CTNNA2: variants seen among roughly 807,000 people sequenced by gnomAD.
The protein encoded by CTNNA2 is catenin alpha 2.
CTNNA2 carries 42 observed loss-of-function variants against 101.0 expected under a neutral mutation model. The observed-to-expected ratio is 0.42, with a 90% CI of 0.32 to 0.54. The LOEUF (loss-of-function observed/expected upper bound fraction) is 0.54, where lower values mean the gene tolerates loss of function less well. CTNNA2 is among the 20% of genes least tolerant of loss of function. The pLI, the probability that CTNNA2 is intolerant of heterozygous loss-of-function variation, is 0.14. For synonymous variants in CTNNA2, 450 were observed against 456.4 expected (o/e 0.99, Z 0.18); for missense variants, 871 against 1,223.1 (o/e 0.71, Z 4.29).
At chr2:79,477,631 A>T (rs140897331) in intron 4 of CTNNA2, among the ~76,000 whole-genome samples, 9 of 152,320 alleles carry the variant, frequency 5.9e-5, no homozygotes, top group Non-Finnish European at 1.2e-4. Flanking sequence ...TCACAGCTCA[A>T]TGGTGCCTTT....
upstream of CTNNA2, among the ~76,000 whole-genome samples, chr2:79,511,496 T>C (rs77885964): frequency 1.5e-3 from 221 of 152,266 alleles, 5 homozygotes; most frequent in East Asian, 0.039. Flanking sequence ...AGAAAAACGC[T>C]AGGTGGTAAG....
intron 7 of CTNNA2, among the ~76,000 whole-genome samples, chr2:80,090,133 A>ACTCTCT (rs374555744): frequency 9.0e-5 from 9 of 100,170 alleles, no homozygotes; most frequent in African/African-American, 3.0e-4. Context: ...AGGAAGTTTC[A>ACTCTCT]CTCTCTCTCT....
chr2:79,589,717 T>TC (rs963146388), intron 1 of CTNNA2, among the ~76,000 whole-genome samples: 143 of 56,528 alleles, frequency 2.5e-3, no homozygotes, highest in African/African-American at 6.7e-3. Flanking sequence ...TCTTTTTTTT[T>TC]CCCCCCCCCG....
At chr2:80,552,717 T>A (rs985724354) in intron 11 of CTNNA2, among the ~76,000 whole-genome samples, 4 of 152,200 alleles carry the variant, frequency 2.6e-5, no homozygotes, top group African/African-American at 9.6e-5. Flanking sequence ...TACAAACTTG[T>A]ACAGCACGTT....
At chr2:80,278,718 G>T (rs1248080165) in intron 7 of CTNNA2, among the ~76,000 whole-genome samples, 1 of 152,026 alleles carries the variant, frequency 6.6e-6, no homozygotes, top group African/African-American at 2.4e-5. Context: ...GTCTGCCTCG[G>T]ACTAAAATTC....
chr2:79,884,954 G>A (rs753415496), intron 6 of CTNNA2, among the ~76,000 whole-genome samples: 3 of 152,004 alleles, frequency 2.0e-5, no homozygotes, highest in Admixed American at 6.6e-5. Flanking sequence ...GGGGGAGCAC[G>A]GGCCATGCTT....
At chr2:80,407,191 C>T (rs1679148879) in intron 8 of CTNNA2, among the ~76,000 whole-genome samples, 2 of 151,896 alleles carry the variant, frequency 1.3e-5, no homozygotes, top group Admixed American at 1.3e-4. Context: ...AGGGAAATAA[C>T]AAAAGTCGTT....
intron 3 of CTNNA2, among the ~76,000 whole-genome samples, chr2:79,745,936 G>A (rs1671614851): frequency 6.6e-6 from 1 of 152,082 alleles, no homozygotes; most frequent in Non-Finnish European, 1.5e-5. Context: ...GGTATTACTG[G>A]ATCATATGAT....
At chr2:80,408,497 T>G (rs532694951) in intron 8 of CTNNA2, among the ~76,000 whole-genome samples, 2 of 152,340 alleles carry the variant, frequency 1.3e-5, no homozygotes, top group African/African-American at 2.4e-5. Context: ...AAATCATTTT[T>G]GGGGCATATT....
intron 7 of CTNNA2, among the ~76,000 whole-genome samples, chr2:80,277,518 T>G (rs1673999649): frequency 8.0e-6 from 1 of 124,226 alleles, no homozygotes; most frequent in African/African-American, 3.2e-5. Flanking sequence ...GAAAAAGAGC[T>G]CAGTGGGGAA....
intron 2 of CTNNA2, among the ~76,000 whole-genome samples, chr2:79,667,210 G>A (rs895861354): frequency 6.6e-6 from 1 of 152,216 alleles, no homozygotes; most frequent in African/African-American, 2.4e-5. Context: ...AGCGCAAAAT[G>A]TAGTAACTGG....
chr2:79,878,911 A>G (rs1049925354), intron 6 of CTNNA2, among the ~76,000 whole-genome samples: 5 of 152,078 alleles, frequency 3.3e-5, no homozygotes, highest in African/African-American at 1.2e-4. Flanking sequence ...TATTTCCTGA[A>G]TGGTATTGCC....
intron 7 of CTNNA2, among the ~76,000 whole-genome samples, chr2:80,240,631 A>G (rs1670859182): frequency 1.3e-5 from 2 of 152,206 alleles, no homozygotes; most frequent in South Asian, 2.1e-4. Context: ...TAACCCCGGG[A>G]AAAAAATTCT....
chr2:80,582,909 AG>A (rs1473139511), intron 14 of CTNNA2, among the ~76,000 whole-genome samples: 6 of 152,260 alleles, frequency 3.9e-5, no homozygotes, highest in African/African-American at 1.4e-4. Context: ...TAGTCAAGAA[AG>A]ACTTTGTGTC....
intron 7 of CTNNA2, among the ~76,000 whole-genome samples, chr2:80,231,041 G>A (rs55637663): frequency 0.01 from 1,532 of 151,804 alleles, 22 homozygotes; most frequent in African/African-American, 0.035. Context: ...GTATGATCTC[G>A]GCTCACTGAA....
chr2:80,221,679 G>T (rs1708583664), intron 7 of CTNNA2, among the ~76,000 whole-genome samples: 2 of 152,182 alleles, frequency 1.3e-5, no homozygotes, highest in Non-Finnish European at 2.9e-5. Context: ...GAAGAAGGGT[G>T]GAAATGGATC....
chr2:79,637,498 T>G (rs1373918141), intron 1 of CTNNA2, among the ~76,000 whole-genome samples: 1 of 152,198 alleles, frequency 6.6e-6, no homozygotes, highest in Non-Finnish European at 1.5e-5. Flanking sequence ...TATTTGATGG[T>G]TTTTTGAACT....
At position 79,955,716 on chromosome 2, in the gene CTNNA2, A is replaced by G. The variant is rs149374057; in HGVS notation, c.1056+45919A>G. Among the ~76,000 whole-genome samples, 352 of 152,198 alleles carry G rather than the reference A, an allele frequency of 2.3e-3. 1 individual carries two copies. Among genetic ancestry groups the G allele is most frequent in the Middle Eastern group, 0.01 (3 of 294 alleles). ...TTTTTGTAGAGACAGAAGTCTGCCT[A>G]TATTTCCCAGGCTTGTTTGGAACTC... On this transcript the variant is annotated intron_variant, in intron 7 of 18. Transcript: ENST00000402739.
chr2:80,104,669 G>C (rs1276463889), intron 7 of CTNNA2, among the ~76,000 whole-genome samples: 1 of 152,194 alleles, frequency 6.6e-6, no homozygotes, highest in Non-Finnish European at 1.5e-5. Flanking sequence ...TATTTTTTGA[G>C]ATATGATGTT....
Sources: gnomAD v4.1 joint callset for allele counts (sites outside exome capture counted in the v4.1 genomes callset) on GRCh38, gnomAD v4.1.1 for gene constraint, MANE v1.5 for transcripts, NCBI Gene and HGNC (gene_info 2026-07-23, HGNC 2026-07-21) for gene names.